DOK6: variants seen among roughly 807,000 people sequenced by gnomAD.
The protein encoded by DOK6 is downstream of tyrosine kinase 6.
In DOK6, 22 loss-of-function variants were observed where a neutral mutation model predicts 44.0. The observed-to-expected ratio is 0.50, with a 90% CI of 0.36 to 0.71. The LOEUF is 0.71. DOK6 is among the 30% of genes least tolerant of loss of function. DOK6 has a pLI of 0.00. For missense variants in DOK6, 340 were observed against 416.4 expected (o/e 0.82, Z 1.60); for synonymous variants, 166 against 145.5 (o/e 1.14, Z -1.01).
intron 7 of DOK6, among the ~76,000 whole-genome samples, chr18:69,799,595 C>G (rs1980844238): frequency 6.6e-6 from 1 of 152,000 alleles, no homozygotes; most frequent in African/African-American, 2.4e-5. Context: ...ACAAAATGCC[C>G]CTAGCAAGTC....
chr18:69,445,714 G>A (rs1979266316), intron 1 of DOK6, among the ~76,000 whole-genome samples: 1 of 151,740 alleles, frequency 6.6e-6, no homozygotes, highest in Admixed American at 6.6e-5. Context: ...GTATTTTTTG[G>A]AGAATATCAA....
chr18:69,813,243 G>A (rs1004249602), intron 7 of DOK6, among the ~76,000 whole-genome samples: 2 of 152,128 alleles, frequency 1.3e-5, no homozygotes, highest in African/African-American at 4.8e-5. Flanking sequence ...ATCTGCCATT[G>A]TTTTACGTAG....
intron 1 of DOK6, among the ~76,000 whole-genome samples, chr18:69,521,560 G>GT (rs1981688444): frequency 1.3e-5 from 2 of 151,856 alleles, no homozygotes; most frequent in Admixed American, 1.3e-4. Flanking sequence ...AAGACAATGA[G>GT]TAAAAACACC....
intron 7 of DOK6, among the ~76,000 whole-genome samples, chr18:69,793,405 A>C (rs1980655381): frequency 6.6e-6 from 1 of 152,172 alleles, no homozygotes; most frequent in Admixed American, 6.6e-5. Flanking sequence ...GCTAATGGTG[A>C]GATCAAGGTG....
chr18:69,671,345 A>G (rs1985794158), intron 3 of DOK6, among the ~76,000 whole-genome samples: 2 of 152,188 alleles, frequency 1.3e-5, no homozygotes, highest in Non-Finnish European at 2.9e-5. Context: ...CTGCTGTTAA[A>G]TCAAGGAAAA....
At chr18:69,451,123 A>G (rs1408856544) in intron 1 of DOK6, among the ~76,000 whole-genome samples, 1 of 149,916 alleles carries the variant, frequency 6.7e-6, no homozygotes, top group African/African-American at 2.5e-5. Flanking sequence ...GGCAAGTCGG[A>G]TAAAGAGTCA....
At chr18:69,500,685 C>A (rs1301154191) in intron 1 of DOK6, among the ~76,000 whole-genome samples, 1 of 152,114 alleles carries the variant, frequency 6.6e-6, no homozygotes, top group African/African-American at 2.4e-5. Context: ...ATATAAGTAA[C>A]AACTAGTGGA....
At chr18:69,475,378 T>C (rs1026547966) in intron 1 of DOK6, among the ~76,000 whole-genome samples, 6 of 152,162 alleles carry the variant, frequency 3.9e-5, no homozygotes, top group African/African-American at 1.4e-4. Flanking sequence ...AAATTCCCAC[T>C]TAGAATTTAG....
chr18:69,734,882 G>C (rs1978550916), intron 5 of DOK6, among the ~76,000 whole-genome samples: 1 of 151,826 alleles, frequency 6.6e-6, no homozygotes, highest in South Asian at 2.1e-4. Context: ...AGAAAGAGTG[G>C]CATTTCAAAG....
At chr18:69,604,342 TG>T (rs1983946148) in intron 3 of DOK6, among the ~76,000 whole-genome samples, 1 of 152,334 alleles carries the variant, frequency 6.6e-6, no homozygotes, top group Admixed American at 6.5e-5. Flanking sequence ...GGTTTCTTAA[TG>T]TTGGTTTTAT....
intron 1 of DOK6, among the ~76,000 whole-genome samples, chr18:69,452,566 C>T (rs1356374696): frequency 1.4e-5 from 2 of 139,774 alleles, no homozygotes; most frequent in African/African-American, 5.5e-5. Flanking sequence ...TTTTATGAGG[C>T]CAGCATCATT....
At chr18:69,761,898 C>A (rs1002033691) in intron 7 of DOK6, among the ~76,000 whole-genome samples, 3 of 152,158 alleles carry the variant, frequency 2.0e-5, no homozygotes, top group African/African-American at 7.2e-5. Context: ...GGGTCCACAG[C>A]AACCTCAGTC....
chr18:69,534,847 T>C (rs1414854189), intron 1 of DOK6, among the ~76,000 whole-genome samples: 1 of 152,166 alleles, frequency 6.6e-6, no homozygotes, highest in African/African-American at 2.4e-5. Context: ...GGATAAATTA[T>C]ATAAGACATA....
intron 7 of DOK6, among the ~76,000 whole-genome samples, chr18:69,804,825 C>A (rs1163566014): frequency 6.6e-6 from 1 of 152,212 alleles, no homozygotes. Flanking sequence ...GTTCTGCAGC[C>A]TCAGTTATGG....
intron 3 of DOK6, among the ~76,000 whole-genome samples, chr18:69,650,959 T>A (rs992523664): frequency 1.3e-5 from 2 of 152,240 alleles, no homozygotes; most frequent in African/African-American, 4.8e-5. Flanking sequence ...GGTTAAAATT[T>A]AAGAACAATC....
chr18:69,429,661 A>ATATATC (rs1978749009), intron 1 of DOK6, among the ~76,000 whole-genome samples: 1 of 103,120 alleles, frequency 9.7e-6, no homozygotes. Flanking sequence ...ATATATATAT[A>ATATATC]TATCTTATTA....
At chr18:69,657,354 C>G (rs977890512) in intron 3 of DOK6, among the ~76,000 whole-genome samples, 1 of 152,168 alleles carries the variant, frequency 6.6e-6, no homozygotes, top group Non-Finnish European at 1.5e-5. Context: ...TGACATGGCT[C>G]TGCCTTAGCT....
At chr18:69,828,649 C>T in intron 7 of DOK6, among the ~76,000 whole-genome samples, 1 of 151,196 alleles carries the variant, frequency 6.6e-6, no homozygotes. Context: ...TTATAAACTA[C>T]ATTATATTCA....
At chr18:69,704,890 C>A (rs1394852952) in intron 5 of DOK6, 1 of 152,220 alleles carries the variant, frequency 6.6e-6, no homozygotes, top group East Asian at 1.9e-4. Context: ...GGATGCCTGC[C>A]CCTGCAAACA....
Sources: gnomAD v4.1 joint callset for allele counts (sites outside exome capture counted in the v4.1 genomes callset) on GRCh38, gnomAD v4.1.1 for gene constraint, MANE v1.5 for transcripts, NCBI Gene and HGNC (gene_info 2026-07-23, HGNC 2026-07-21) for gene names.